The following CNTN3 variants were observed in gnomAD, a reference collection of about 807,000 sequenced individuals.
The protein encoded by CNTN3 is contactin 3.
Under a neutral mutation model 119.1 loss-of-function variants are expected in CNTN3, and 60 were observed. That is an observed-to-expected ratio of 0.50 (90% CI 0.41 to 0.62). The LOEUF (loss-of-function observed/expected upper bound fraction) is 0.62, where lower values mean the gene tolerates loss of function less well. CNTN3 is among the 20% of genes least tolerant of loss of function. The probability of loss-of-function intolerance (pLI) is 0.00; values close to 1 mark genes in which losing one functional copy is unlikely to be tolerated. For synonymous variants in CNTN3, 450 were observed against 438.7 expected (o/e 1.03, Z -0.32); for missense variants, 1,101 against 1,242.4 (o/e 0.89, Z 1.71).
intron 4 of CNTN3, among the ~76,000 whole-genome samples, chr3:74,480,709 A>G (rs984974411): frequency 2.0e-5 from 3 of 152,120 alleles, no homozygotes; most frequent in Admixed American, 2.0e-4. Flanking sequence ...GATAAACGAA[A>G]CATTAGCACT....
chr3:74,334,747 C>A lies in CNTN3; in HGVS notation c.1656G>T (p.Glu552Asp). The A allele has an allele frequency of 1.2e-6, 2 of 1,613,202 alleles. No individual in the cohort carries two copies. Among genetic ancestry groups the A allele is most frequent in the Non-Finnish European group, 1.7e-6 (2 of 1,179,468 alleles). Reference protein sequence around the residue: ...ADFKKDGSHFEKVGGSSSGDL... With the variant: ...ADFKKDGSHFDKVGGSSSGDL... ...TGCCACAACTTACCCCACCAACTTT[C>A]TCAAAGTGAGATCCATCTTTCTTAA... The change falls in exon 13 of 23, where the codon GAG becomes GAT. Residue 552 changes from glutamate (E) to aspartate (D), a missense_variant. Glu to Asp is a conservative substitution (Grantham distance 45). Coordinates refer to ENST00000263665, the MANE Select transcript of CNTN3 (RefSeq NM_020872.3).
intron 5 of CNTN3, among the ~76,000 whole-genome samples, chr3:74,402,189 C>T (rs746335555): frequency 1.2e-4 from 18 of 152,162 alleles, no homozygotes; most frequent in African/African-American, 3.1e-4. Context: ...TGCTGTCTTA[C>T]GGCTACGTCC....
intron 13 of CNTN3, among the ~76,000 whole-genome samples, chr3:74,312,348 C>T (rs1465012002): frequency 2.1e-5 from 3 of 144,838 alleles, no homozygotes; most frequent in Admixed American, 7.2e-5. Flanking sequence ...CCCAGCTACT[C>T]GGGAGGCTGA....
intron 1 of CNTN3, among the ~76,000 whole-genome samples, chr3:74,594,091 T>C (rs1277130224): frequency 6.6e-6 from 1 of 151,848 alleles, no homozygotes; most frequent in African/African-American, 2.4e-5. Context: ...GGGGATGCGC[T>C]GAGAAGGGCA....
chr3:74,323,254 GGTACTTTCT>G (rs1192752742), intron 13 of CNTN3, among the ~76,000 whole-genome samples: 11 of 152,056 alleles, frequency 7.2e-5, no homozygotes, highest in African/African-American at 2.7e-4. Context: ...GGGGCACATG[GGTACTTTCT>G]GTACTTTCAG....
chr3:74,393,697 A>T (rs776799868), intron 5 of CNTN3, among the ~76,000 whole-genome samples: 3 of 152,208 alleles, frequency 2.0e-5, no homozygotes, highest in Non-Finnish European at 4.4e-5. Flanking sequence ...GGGAAATGGG[A>T]AAAGTAGGAC....
At chr3:74,442,458 T>A (rs75908948) in intron 4 of CNTN3, among the ~76,000 whole-genome samples, 2,635 of 152,258 alleles carry the variant, frequency 0.017, 76 homozygotes, top group African/African-American at 0.058. Flanking sequence ...TCCTCTGCTT[T>A]CCACCCTAAG....
chr3:74,390,621 A>G (rs1329712865), intron 5 of CNTN3, among the ~76,000 whole-genome samples: 2 of 152,156 alleles, frequency 1.3e-5, no homozygotes, highest in African/African-American at 4.8e-5. Context: ...GTACACTGTT[A>G]CCATCAATAT....
chr3:74,596,904 T>C (rs1290027062), intron 1 of CNTN3, among the ~76,000 whole-genome samples: 1 of 152,070 alleles, frequency 6.6e-6, no homozygotes, highest in Non-Finnish European at 1.5e-5. Flanking sequence ...TTAACATCAT[T>C]ATGTGCCATA....
At chr3:74,425,869 T>C (rs1701687520) in intron 4 of CNTN3, among the ~76,000 whole-genome samples, 1 of 152,152 alleles carries the variant, frequency 6.6e-6, no homozygotes, top group South Asian at 2.1e-4. Flanking sequence ...CACTGAAAAT[T>C]ACCAAGTACA....
chr3:74,314,381 A>T (rs1366539948), intron 13 of CNTN3, among the ~76,000 whole-genome samples: 1 of 152,208 alleles, frequency 6.6e-6, no homozygotes, highest in Non-Finnish European at 1.5e-5. Flanking sequence ...ATGTATCAAA[A>T]AGCCTAGACC....
intron 2 of CNTN3, among the ~76,000 whole-genome samples, chr3:74,510,378 TC>T (rs1703344838): frequency 6.6e-6 from 1 of 151,908 alleles, no homozygotes; most frequent in Non-Finnish European, 1.5e-5. Flanking sequence ...GTTTGCAGAT[TC>T]TTGATCATCT....
At chr3:74,459,033 C>A (rs926797281) in intron 4 of CNTN3, among the ~76,000 whole-genome samples, 1 of 151,970 alleles carries the variant, frequency 6.6e-6, no homozygotes. Flanking sequence ...CTAGAATTAC[C>A]TGCTTCATGT....
Position 74,583,421 on chromosome 3 carries a change from A to C in CNTN3, c.-81+30970T>G, listed in dbSNP as rs117660055. ...CAGTGATACATGCAACAACACCTAGATAAACCTGAAAAATAGGATGCTCAG... is the reference window on the plus strand; with the variant it reads ...CAGTGATACATGCAACAACACCTAGCTAAACCTGAAAAATAGGATGCTCAG... On this transcript the variant is annotated intron_variant, in intron 1 of 22. Coordinates refer to ENST00000263665, the MANE Select transcript of CNTN3 (RefSeq NM_020872.3). Among the ~76,000 whole-genome samples the C allele has an allele frequency of 3.5e-3, 534 of 152,340 alleles. 4 individuals are homozygous for C. Among genetic ancestry groups the C allele is most frequent in the African/African-American group, 0.011 (455 of 41,582 alleles).
At chr3:74,433,702 T>G (rs1359325986) in intron 4 of CNTN3, among the ~76,000 whole-genome samples, 3 of 152,098 alleles carry the variant, frequency 2.0e-5, no homozygotes, top group African/African-American at 7.2e-5. Flanking sequence ...AACAAACTTT[T>G]CCTTTTCCCC....
At chr3:74,334,963 A>C in intron 12 of CNTN3, 53 bp from the exon 13 acceptor site, 2 of 1,401,558 alleles carry the variant, frequency 1.4e-6, no homozygotes. Flanking sequence ...GATAAAAGAC[A>C]TTTGCACAGG....
chr3:74,286,009 G>A lies in CNTN3; in HGVS notation c.2518-518C>T, dbSNP rs535844799. Among the ~76,000 whole-genome samples, 198 of 151,822 alleles carry A rather than the reference G, an allele frequency of 1.3e-3. 2 individuals are homozygous for A. Among genetic ancestry groups the A allele is most frequent in the African/African-American group, 4.5e-3 (188 of 41,454 alleles). On this transcript the variant is annotated intron_variant, in intron 19 of 22. Coordinates refer to ENST00000263665, the MANE Select transcript of CNTN3 (RefSeq NM_020872.3). ...AAAGATGACATCATTTTCTTTCTTA[G>A]TTGTGTTTTGGATTTAAATAGTCAA...
At position 74,301,481 on chromosome 3, in the gene CNTN3, T is replaced by C. The variant is rs750766953; in HGVS notation, c.2012A>G (p.Tyr671Cys). ...GTTACTGGCTACAACCCGAAATTCA[T>C]ATTCCACCCATGGGTTTAACTCAAC... ...TVVELNPWVE[Y>C]EFRVVASNKI... Residue 671 changes from tyrosine to cysteine, a missense_variant, in exon 16 of 23, where the codon TAT becomes TGT. By Grantham distance (194) the Tyr-to-Cys change is radical. Transcript: ENST00000263665. 2.5e-6 allele frequency: 4 copies of C among 1,614,042 alleles called. No individual in the cohort carries two copies. Among genetic ancestry groups the C allele is most frequent in the African/African-American group, 2.7e-5 (2 of 74,924 alleles).
intron 4 of CNTN3, among the ~76,000 whole-genome samples, chr3:74,477,518 T>A (rs2107018220): frequency 6.6e-6 from 1 of 152,204 alleles, no homozygotes; most frequent in Non-Finnish European, 1.5e-5. Flanking sequence ...GCATATTATT[T>A]GTGGGATCTA....
Sources: gnomAD v4.1 joint callset for allele counts (sites outside exome capture counted in the v4.1 genomes callset) on GRCh38, gnomAD v4.1.1 for gene constraint, MANE v1.5 for transcripts, NCBI Gene and HGNC (gene_info 2026-07-23, HGNC 2026-07-21) for gene names.